CAPN3: variants seen among roughly 807,000 people sequenced by gnomAD.
CAPN3 encodes calpain 3.
A neutral mutation model predicts 114.0 loss-of-function variants in CAPN3; 88 were observed. The ratio of observed to expected loss-of-function variants is 0.77; its 90% CI spans 0.65 to 0.92. The LOEUF (loss-of-function observed/expected upper bound fraction) is 0.92, where lower values mean the gene tolerates loss of function less well. CAPN3 is among the 40% of genes least tolerant of loss of function. The pLI, the probability that CAPN3 is intolerant of heterozygous loss-of-function variation, is 0.00. For synonymous variants in CAPN3, 386 were observed against 382.9 expected, an observed-to-expected ratio of 1.01 and a Z score of -0.09; for missense variants, 1,028 against 1,069.0, an observed-to-expected ratio of 0.96 and a Z score of 0.53.
At position 42,386,280 on chromosome 15, in the gene CAPN3, T is replaced by C. The variant is rs772347683; in HGVS notation, c.493T>C (p.Phe165Leu). 6.2e-7 allele frequency: 1 copy of C among 1,607,432 alleles called. No individual in the cohort carries two copies. Among genetic ancestry groups the C allele is most frequent in the Non-Finnish European group, 8.5e-7 (1 of 1,173,914 alleles). The change falls in exon 3 of 24, where the codon TTC (phenylalanine) becomes CTC (leucine). Residue 165 changes from phenylalanine to leucine, a missense_variant. Phe to Leu is a conservative substitution (Grantham distance 22). Coordinates refer to ENST00000397163, the MANE Select transcript of CAPN3 (RefSeq NM_000070.3). ...FIENYAGIFH[F>L]QFWRYGEWVD... is the part of the protein sequence containing the mutation. ...CGAAAACTACGCAGGGATCTTCCAC[T>C]TCCAGGTGAGGTAATGAGAGTGTAG...
chr15:42,389,395 C>T (rs896975763), intron 5 of CAPN3, among the ~76,000 whole-genome samples: 2 of 152,198 alleles, frequency 1.3e-5, no homozygotes, highest in African/African-American at 4.8e-5. Context: ...CAGCACGCTC[C>T]CATTAAGCTG....
At chr15:42,410,720 A>C in intron 21 of CAPN3, 54 bp downstream of exon 21, 1 of 1,488,560 alleles carries the variant, frequency 6.7e-7, no homozygotes, top group Non-Finnish European at 9.4e-7. Flanking sequence ...TGGGAGCAGG[A>C]ATGGGAGGGG....
Position 42,412,180 on chromosome 15 carries a change from A to C in CAPN3, c.*407A>C. 1 of 1,536,140 alleles carries C rather than the reference A, an allele frequency of 6.5e-7. No individual in the cohort carries two copies. The highest frequency in any genetic ancestry group is 2.4e-5 in the East Asian group (1 of 40,920). On this transcript the variant is annotated 3_prime_UTR_variant, in exon 24 of 24. Transcript: ENST00000397163. Reference sequence around the variant, plus strand: ...GCTGTCCCACCATGGGCCAGGAACCAAACCAGCACTGGGTTCTACTGCTGT... The same window carrying C: ...GCTGTCCCACCATGGGCCAGGAACCCAACCAGCACTGGGTTCTACTGCTGT...
chr15:42,409,262 C>T (rs761063970), intron 16 of CAPN3, 41 bp from the exon 17 acceptor site: 47 of 1,600,752 alleles, frequency 2.9e-5, no homozygotes, highest in Non-Finnish European at 3.9e-5. Flanking sequence ...GCCTGTGCAC[C>T]TCTGACCCCT....
intron 1 of CAPN3, among the ~76,000 whole-genome samples, chr15:42,381,480 G>T (rs919681309): frequency 6.6e-6 from 1 of 151,986 alleles, no homozygotes; most frequent in Non-Finnish European, 1.5e-5. Flanking sequence ...TTCATTGCCC[G>T]AACACTATAG....
intron 1 of CAPN3, among the ~76,000 whole-genome samples, chr15:42,380,589 G>A (rs1320816145): frequency 1.4e-5 from 2 of 146,096 alleles, no homozygotes; most frequent in African/African-American, 5.1e-5. Flanking sequence ...ATGTGTGTAT[G>A]TATATATATG....
At chr15:42,360,141 G>T in intron 1 of CAPN3, 27 bp downstream of exon 1, 2 of 1,613,752 alleles carry the variant, frequency 1.2e-6, no homozygotes, top group Non-Finnish European at 1.7e-6. Flanking sequence ...TTGCTGGCTG[G>T]GTTTTCCCCC....
chr15:42,380,751 A>ATATATATATATATATATATTTTT (rs1436943739), intron 1 of CAPN3, among the ~76,000 whole-genome samples: 2 of 64,458 alleles, frequency 3.1e-5, no homozygotes, highest in African/African-American at 1.8e-4. Flanking sequence ...ATATATATAT[A>ATATATATATATATATATATTTTT]TTTTTTTTTT....
intron 1 of CAPN3, among the ~76,000 whole-genome samples, chr15:42,367,382 G>A (rs2052815897): frequency 6.6e-6 from 1 of 152,194 alleles, no homozygotes; most frequent in Non-Finnish European, 1.5e-5. Flanking sequence ...TCACAAGGAA[G>A]CCTGGTGCCT....
chr15:42,409,076 G>A (rs898408499), intron 16 of CAPN3: 25 of 575,028 alleles, frequency 4.3e-5, no homozygotes, highest in Middle Eastern at 4.7e-4. Context: ...CTGTATGGCC[G>A]CCATATCTCC....
At chr15:42,371,507 A>G (rs1189002287) in intron 1 of CAPN3, among the ~76,000 whole-genome samples, 1 of 152,224 alleles carries the variant, frequency 6.6e-6, no homozygotes, top group Non-Finnish European at 1.5e-5. Context: ...TTCACTGTAC[A>G]TGAAACACCT....
chr15:42,409,730 C>G (rs1419740318), intron 17 of CAPN3, 57 bp from the exon 18 acceptor site: 2 of 1,478,992 alleles, frequency 1.4e-6, no homozygotes, highest in Non-Finnish European at 1.9e-6. Flanking sequence ...TGCAAAGTGT[C>G]CGCGCCAGGA....
intron 12 of CAPN3, 110 bp from the exon 13 acceptor site, chr15:42,402,683 CT>C: frequency 6.4e-7 from 1 of 1,566,728 alleles, no homozygotes; most frequent in Non-Finnish European, 8.7e-7. Context: ...GAGGTTGAAA[CT>C]GTGACATGGG....
intron 14 of CAPN3, chr15:42,404,747 T>C: frequency 8.7e-7 from 1 of 1,147,042 alleles, no homozygotes; most frequent in Non-Finnish European, 1.1e-6. Context: ...AATGCCCCTC[T>C]GAACTGTCTT....
chr15:42,364,368 C>G (rs139956564), intron 1 of CAPN3, among the ~76,000 whole-genome samples: 222 of 152,356 alleles, frequency 1.5e-3, no homozygotes, highest in African/African-American at 5.1e-3. Flanking sequence ...AAGACCAGCA[C>G]ATGGTTGAGT....
At chr15:42,409,663 CCATGA>C in intron 17 of CAPN3, 119 bp from the exon 18 acceptor site, 4 of 963,122 alleles carry the variant, frequency 4.2e-6, no homozygotes, top group South Asian at 1.3e-5. Context: ...CCCCAGCTTC[CCATGA>C]CATAATAGCA....
intron 1 of CAPN3, among the ~76,000 whole-genome samples, chr15:42,383,395 C>A (rs924603185): frequency 6.6e-6 from 1 of 152,192 alleles, no homozygotes; most frequent in Non-Finnish European, 1.5e-5. Flanking sequence ...TCGAGACCAG[C>A]CTGGCCAACA....
chr15:42,380,728 CATATATATAT>C (rs1263058025), intron 1 of CAPN3, among the ~76,000 whole-genome samples: 2 of 70,104 alleles, frequency 2.9e-5, no homozygotes, highest in African/African-American at 6.7e-5. Flanking sequence ...CCACCTTCCC[CATATATATAT>C]ATATATATAT....
chr15:42,410,878 C>A lies in CAPN3; in HGVS notation c.2264-6C>A. The A allele has an allele frequency of 1.9e-6, 3 of 1,610,374 alleles. No individual in the cohort carries two copies. Among genetic ancestry groups the A allele is most frequent in the Non-Finnish European group, 2.5e-6 (3 of 1,176,530 alleles). ...ACGTCCACCTCTAACATGGTCCCCT[C>A]CACAGGATTCCACCTCAACAACCAG... On this transcript the variant is annotated splice_polypyrimidine_tract_variant and splice_region_variant and intron_variant, in intron 21 of 23. Coordinates refer to ENST00000397163, the MANE Select transcript of CAPN3 (RefSeq NM_000070.3).
Sources: gnomAD v4.1 joint callset for allele counts (sites outside exome capture counted in the v4.1 genomes callset) on GRCh38, gnomAD v4.1.1 for gene constraint, MANE v1.5 for transcripts, NCBI Gene and HGNC (gene_info 2026-07-23, HGNC 2026-07-21) for gene names.